Variants in DDAH1 observed in about 807,000 individuals in gnomAD.
DDAH1 encodes the protein N(G),N(G)-dimethylarginine dimethylaminohydrolase 1.
DDAH1 carries 19 observed loss-of-function variants against 28.8 expected under a neutral mutation model. That is an observed-to-expected ratio of 0.66 (90% confidence interval 0.46 to 0.97). The LOEUF is 0.97. DDAH1 is among the 50% of genes least tolerant of loss of function. The pLI is 0.00. For synonymous variants in DDAH1, 153 were observed against 154.4 expected, an observed-to-expected ratio of 0.99 and a Z score of 0.07; for missense variants, 326 against 375.9, an observed-to-expected ratio of 0.87 and a Z score of 1.10.
chr1:85,479,159 CTTTTTTTTTTTTTTTT>C (rs35629726), intron 2 of DDAH1, among the ~76,000 whole-genome samples: 2 of 78,658 alleles, frequency 2.5e-5, no homozygotes, highest in South Asian at 7.0e-4. Context: ...TTCTGTTTTT[CTTTTTTTTTTTTTTTT>C]TTTTTTTTTG....
intron 4 of DDAH1, among the ~76,000 whole-genome samples, chr1:85,331,438 T>TATATATATATATAA: frequency 6.6e-6 from 1 of 151,364 alleles, no homozygotes. Context: ...TATATATATA[T>TATATATATATATAA]AACATAATGT....
chr1:85,541,257 T>C (rs773170787), intron 1 of DDAH1, among the ~76,000 whole-genome samples: 5 of 152,228 alleles, frequency 3.3e-5, no homozygotes, highest in Non-Finnish European at 7.3e-5. Flanking sequence ...AAAACTTATT[T>C]GAAGGTTCTC....
chr1:85,340,931 C>T (rs1051905622), intron 4 of DDAH1, among the ~76,000 whole-genome samples: 1 of 152,180 alleles, frequency 6.6e-6, no homozygotes, highest in Non-Finnish European at 1.5e-5. Flanking sequence ...CTGACACTTC[C>T]CCAGGCTGTC....
chr1:85,570,680 C>T (rs893137876), intron 1 of DDAH1, among the ~76,000 whole-genome samples: 2 of 152,192 alleles, frequency 1.3e-5, no homozygotes, highest in Non-Finnish European at 2.9e-5. Flanking sequence ...TAAGTGCAGG[C>T]TATCACCATG....
intron 1 of DDAH1, among the ~76,000 whole-genome samples, chr1:85,448,304 A>C (rs1488618622): frequency 2.0e-5 from 3 of 152,202 alleles, no homozygotes; most frequent in African/African-American, 4.8e-5. Flanking sequence ...ATTACCAATC[A>C]GAATTTGTGT....
At chr1:85,419,286 C>T (rs1285963047) in intron 1 of DDAH1, among the ~76,000 whole-genome samples, 5 of 151,872 alleles carry the variant, frequency 3.3e-5, no homozygotes, top group Admixed American at 2.0e-4. Context: ...CATCTGTAAT[C>T]GCAGCACTTT....
At chr1:85,514,370 AC>A (rs1288976068) in intron 1 of DDAH1, among the ~76,000 whole-genome samples, 1 of 152,030 alleles carries the variant, frequency 6.6e-6, no homozygotes, top group Non-Finnish European at 1.5e-5. Context: ...AACATCACAC[AC>A]CGGGGCCTGT....
intron 1 of DDAH1, among the ~76,000 whole-genome samples, chr1:85,548,060 AGAAT>A (rs2100792012): frequency 6.6e-6 from 1 of 152,374 alleles, no homozygotes; most frequent in African/African-American, 2.4e-5. Context: ...CAAACACTGT[AGAAT>A]GAATAATGTC....
intron 1 of DDAH1, among the ~76,000 whole-genome samples, chr1:85,442,908 T>C (rs544359997): frequency 6.6e-6 from 1 of 152,226 alleles, no homozygotes; most frequent in Non-Finnish European, 1.5e-5. Flanking sequence ...TTAAGTTCTT[T>C]GTAGATTCTG....
chr1:85,333,299 C>G (rs1428610478), intron 4 of DDAH1, among the ~76,000 whole-genome samples: 1 of 152,158 alleles, frequency 6.6e-6, no homozygotes, highest in Admixed American at 6.5e-5. Context: ...CCTAACCAAC[C>G]AACACCATAG....
At chr1:85,426,026 A>C (rs12129013) in intron 1 of DDAH1, among the ~76,000 whole-genome samples, 35,702 of 152,116 alleles carry the variant, frequency 0.23, 4,606 homozygotes, top group East Asian at 0.42. Flanking sequence ...CATTACTAAC[A>C]GGGATAATTT....
chr1:85,436,363 A>G (rs1653945245), intron 1 of DDAH1, among the ~76,000 whole-genome samples: 1 of 152,146 alleles, frequency 6.6e-6, no homozygotes, highest in Non-Finnish European at 1.5e-5. Context: ...TTAAAGCTAC[A>G]TGTGAATTCA....
chr1:85,554,655 C>T (rs1001642344), intron 1 of DDAH1, among the ~76,000 whole-genome samples: 3 of 152,282 alleles, frequency 2.0e-5, no homozygotes, highest in Non-Finnish European at 1.5e-5. Flanking sequence ...ACAGATTCAG[C>T]GTTAAAAAGC....
At chr1:85,408,623 G>A (rs1281444999) in intron 1 of DDAH1, among the ~76,000 whole-genome samples, 1 of 152,016 alleles carries the variant, frequency 6.6e-6, no homozygotes, top group East Asian at 1.9e-4. Flanking sequence ...TCTGAAATGG[G>A]GCAAGTTATA....
chr1:85,383,659 A>C (rs1240460171), intron 1 of DDAH1, among the ~76,000 whole-genome samples: 2 of 152,218 alleles, frequency 1.3e-5, no homozygotes, highest in African/African-American at 4.8e-5. Context: ...GAGTCAATCA[A>C]CACAGCAAAC....
At chr1:85,561,468 C>T (rs1659139456) in intron 1 of DDAH1, among the ~76,000 whole-genome samples, 1 of 151,882 alleles carries the variant, frequency 6.6e-6, no homozygotes, top group Non-Finnish European at 1.5e-5. Context: ...TTAGTTCTAC[C>T]CTATCACTAA....
intron 1 of DDAH1, among the ~76,000 whole-genome samples, chr1:85,517,964 G>C (rs971462689): frequency 2.0e-5 from 3 of 152,208 alleles, no homozygotes; most frequent in African/African-American, 7.2e-5. Flanking sequence ...ACAGCCTATC[G>C]TTCAAAATTA....
chr1:85,480,517 G>C (rs1263710313), intron 2 of DDAH1, among the ~76,000 whole-genome samples: 1 of 152,152 alleles, frequency 6.6e-6, no homozygotes, highest in South Asian at 2.1e-4. Context: ...GGCTGAAGCT[G>C]GCGGATCACC....
chr1:85,518,726 C>T (rs1286129869), intron 1 of DDAH1, among the ~76,000 whole-genome samples: 1 of 152,156 alleles, frequency 6.6e-6, no homozygotes, highest in Non-Finnish European at 1.5e-5. Context: ...TCTGCAAAGT[C>T]CCTTTTGCCA....
Sources: gnomAD v4.1 joint callset for allele counts (sites outside exome capture counted in the v4.1 genomes callset) on GRCh38, gnomAD v4.1.1 for gene constraint, MANE v1.5 for transcripts, NCBI Gene and HGNC (gene_info 2026-07-23, HGNC 2026-07-21) for gene names.